The following ITGB4 variants were observed in gnomAD, a reference collection of about 807,000 sequenced individuals.
The protein encoded by ITGB4 is integrin subunit beta 4.
A neutral mutation model predicts 207.6 loss-of-function variants in ITGB4; 159 were observed. That is an observed-to-expected ratio of 0.77 (90% CI 0.67 to 0.87). The LOEUF is 0.87. Ranked by LOEUF, ITGB4 falls within the 40% of genes least tolerant of loss-of-function variation. The pLI is 0.00. For missense variants in ITGB4, 2,278 were observed against 2,546.8 expected (o/e 0.89, Z 2.27); for synonymous variants, 1,020 against 1,062.7 (o/e 0.96, Z 0.78).
intron 37 of ITGB4, 37 bp from the exon 38 acceptor site, chr17:75,756,905 AG>A: frequency 6.2e-7 from 1 of 1,612,072 alleles, no homozygotes; most frequent in Non-Finnish European, 8.5e-7. Context: ...AGGGGTAAAG[AG>A]GGGGCCGCAG....
Position 75,757,651 on chromosome 17 carries a change from G to A in ITGB4, c.*96G>A, listed in dbSNP as rs753961263. 10 of 1,541,946 alleles carry A rather than the reference G, an allele frequency of 6.5e-6. No homozygotes were observed. Among genetic ancestry groups the A allele is most frequent in the South Asian group, 2.2e-5 (2 of 89,478 alleles). On this transcript the variant is annotated 3_prime_UTR_variant, in exon 40 of 40. Transcript: ENST00000200181. Reference sequence around the variant, plus strand: ...CTACTCCATCCTTGCACCCCTGGGGGCCCAGCCCACCCGCATGCACAGAGC... The same window carrying A: ...CTACTCCATCCTTGCACCCCTGGGGACCCAGCCCACCCGCATGCACAGAGC...
chr17:75,738,309 T>A lies in ITGB4; in HGVS notation c.2220+665T>A, dbSNP rs142727513. Reference sequence around the variant, plus strand: ...TCATCCTGGAGCCCCAGCCCCCAGCTCAGCCCTTGCCAGCATCCGTTCTCT... The same window carrying A: ...TCATCCTGGAGCCCCAGCCCCCAGCACAGCCCTTGCCAGCATCCGTTCTCT... On this transcript the variant is annotated intron_variant, in intron 18 of 39. Coordinates refer to ENST00000200181, the MANE Select transcript of ITGB4 (RefSeq NM_000213.5). Among the ~76,000 whole-genome samples, 321 of 150,362 alleles carry A rather than the reference T, an allele frequency of 2.1e-3. 1 individual carries two copies. The highest frequency in any genetic ancestry group is 7.3e-3 in the African/African-American group (298 of 40,664).
chr17:75,733,397 TA>T (rs1376233468), intron 12 of ITGB4, 92 bp from the exon 13 acceptor site: 27 of 999,172 alleles, frequency 2.7e-5, no homozygotes, highest in Non-Finnish European at 3.5e-5. Flanking sequence ...AAAAAAAAAA[TA>T]AAATAATTAA....
In ITGB4 at chr17:75,730,866, C is replaced by T; in HGVS notation, c.1003-9C>T. 6.2e-7 allele frequency: 1 copy of T among 1,608,630 alleles called. No homozygotes were observed. Among genetic ancestry groups the T allele is most frequent in the Non-Finnish European group, 8.5e-7 (1 of 1,176,390 alleles). On this transcript the variant is annotated splice_polypyrimidine_tract_variant and intron_variant, in intron 8 of 39. Transcript: ENST00000200181. ...TGCTTAGCCTGAGACCTGGCCTTCT[C>T]TCCCGCAGAAGCTTCACACCTATTT...
At chr17:75,724,948 A>C (rs1372586913) in intron 2 of ITGB4, among the ~76,000 whole-genome samples, 166 bp downstream of exon 2, 1 of 152,228 alleles carries the variant, frequency 6.6e-6, no homozygotes, top group East Asian at 1.9e-4. Context: ...CAAGCTCTTC[A>C]GCCTAGAGAA....
intron 30 of ITGB4, 112 bp downstream of exon 30, chr17:75,751,223 C>G: frequency 7.9e-7 from 1 of 1,266,476 alleles, no homozygotes; most frequent in Admixed American, 1.9e-5. Context: ...GCAGGGCACT[C>G]GAGGCCTTCA....
At position 75,753,993 on chromosome 17, in the gene ITGB4, GCCC is replaced by G; in HGVS notation, c.4318+23_4318+25del. 2 of 1,103,340 alleles carry G rather than the reference GCCC, an allele frequency of 1.8e-6. No homozygotes were observed. Among genetic ancestry groups the G allele is most frequent in the Non-Finnish European group, 2.3e-6 (2 of 865,882 alleles). 68.3% of individuals were successfully genotyped at this position (1,103,340 alleles called of 1,614,324 possible). ...CCCGGAGGTGACAGGCTCACCCGCC[GCCC>G]CCCGATCCGCGCCCACCCAGCCTCA... On this transcript the variant is annotated intron_variant, in intron 33 of 39. Coordinates refer to ENST00000200181, the MANE Select transcript of ITGB4 (RefSeq NM_000213.5).
chr17:75,739,900 G>T lies in ITGB4; in HGVS notation c.2275G>T (p.Glu759Ter). 6.2e-7 allele frequency: 1 copy of T among 1,613,574 alleles called. No homozygotes were observed. The highest frequency in any genetic ancestry group is 8.5e-7 in the Non-Finnish European group (1 of 1,180,028). ...TGCAGGTCACATGGTGGGCTTTAAG[G>T]AAGACCACTACATGCTGCGGGAGAA... ...CNRGHMVGFK[E>*]DHYMLRENLM... The change falls in exon 20 of 40, where the codon GAA becomes TAA. Residue 759 changes from glutamate to a stop codon, truncating the protein, a stop_gained. Coordinates refer to ENST00000200181, the MANE Select transcript of ITGB4 (RefSeq NM_000213.5). LOFTEE classifies it high-confidence loss of function. This position sits in a 1 kb window ranked among gnomAD's most constrained non-coding sequence, Gnocchi z 5.4.
rs567368179 is a variant in ITGB4, at chr17:75,730,288, C to T, written c.786C>T (p.Ser262=). Residue 262 remains serine (S), a synonymous_variant, in exon 8 of 40, where the codon TCC becomes TCT. Coordinates refer to ENST00000200181, the MANE Select transcript of ITGB4 (RefSeq NM_000213.5). The part of the protein sequence containing the change: ...RPDSTHLLVF[S]TESAFHYEAD... ...ACAGCACCCACCTGCTGGTCTTCTCCACCGAGTCAGCCTTCCACTATGAGG... is the reference window on the plus strand; with the variant it reads ...ACAGCACCCACCTGCTGGTCTTCTCTACCGAGTCAGCCTTCCACTATGAGG... 5 of 1,613,440 alleles carry T rather than the reference C, an allele frequency of 3.1e-6. No homozygotes were observed. In the African/African-American group the frequency reaches 6.7e-5, roughly 21 times the overall value.
chr17:75,722,798 TG>T lies in ITGB4; in HGVS notation c.-11+1193del, dbSNP rs2060643069. 7.1e-6 allele frequency among the ~76,000 whole-genome samples: 1 copy of T among 141,082 alleles called. No homozygotes were observed. The highest frequency in any genetic ancestry group is 1.6e-5 in the Non-Finnish European group (1 of 64,438). The allele number at this position is 141,082 out of a possible 152,430, so 92.6% of individuals were successfully genotyped here. On this transcript the variant is annotated intron_variant, in intron 1 of 39. Transcript: ENST00000200181. This position sits in a 1 kb window ranked among gnomAD's most constrained non-coding sequence, Gnocchi z 6.2. ...GTGTGTGTGTGTGTGTGTGTCCCTGTGGGGGGGAAACTGCCTGTGCTGCAGT... is the reference window on the plus strand; with the variant it reads ...GTGTGTGTGTGTGTGTGTGTCCCTGTGGGGGGAAACTGCCTGTGCTGCAGT...
At chr17:75,752,401 CAG>C (rs1337750983) in intron 31 of ITGB4, 43 bp from the exon 32 acceptor site, 5 of 1,612,560 alleles carry the variant, frequency 3.1e-6, no homozygotes, top group Non-Finnish European at 4.2e-6. Flanking sequence ...GGCAGGGGGG[CAG>C]GGGGCAGCAG....
At chr17:75,736,498 G>A in intron 15 of ITGB4, 67 bp from the exon 16 acceptor site, 3 of 1,598,784 alleles carry the variant, frequency 1.9e-6, no homozygotes, top group Non-Finnish European at 2.6e-6. Context: ...CAAGAGGTTT[G>A]GGGAGCGGGG....
Position 75,737,022 on chromosome 17 carries a change from G to A in ITGB4, c.1991-300G>A, listed in dbSNP as rs543680433. Among the ~76,000 whole-genome samples, 3 of 152,302 alleles carry A rather than the reference G, an allele frequency of 2.0e-5. No homozygotes were observed. The South Asian group carries it at 6.2e-4, about 32-fold the overall frequency. ...GTACATGGTCACGCTGTGGAGACACGCAGCCTCCCCTCCTCGAGATCAGAT... is the reference window on the plus strand; with the variant it reads ...GTACATGGTCACGCTGTGGAGACACACAGCCTCCCCTCCTCGAGATCAGAT... On this transcript the variant is annotated intron_variant, in intron 16 of 39. Transcript: ENST00000200181.
chr17:75,753,498 G>T (rs1306664556), intron 32 of ITGB4, among the ~76,000 whole-genome samples: 1 of 152,192 alleles, frequency 6.6e-6, no homozygotes, highest in Non-Finnish European at 1.5e-5. Flanking sequence ...CTTCCCCCAG[G>T]TTTCTGGCGG....
intron 23 of ITGB4, 33 bp downstream of exon 23, chr17:75,741,038 C>A: frequency 6.2e-7 from 1 of 1,606,622 alleles, no homozygotes; most frequent in South Asian, 1.1e-5. Context: ...AGAGGGCCCC[C>A]ACTTCCTGCC....
chr17:75,756,369 G>C, intron 35 of ITGB4, 60 bp from the exon 36 acceptor site: 1 of 1,586,880 alleles, frequency 6.3e-7, no homozygotes, highest in Non-Finnish European at 8.6e-7. Flanking sequence ...GGACGAGGAG[G>C]ATCAGGCCAG....
Position 75,757,579 on chromosome 17 carries a change from A to G in ITGB4, c.*24A>G. 1 of 1,612,060 alleles carries G rather than the reference A, an allele frequency of 6.2e-7. No homozygotes were observed. Among genetic ancestry groups the G allele is most frequent in the Non-Finnish European group, 8.5e-7 (1 of 1,179,452 alleles). ...GACCGCACCCTGCCCCACCCCCGCC[A>G]CGTCCCACTAGGCGTCCTCCCGACT... is the stretch of plus-strand genomic sequence containing the variant. On this transcript the variant is annotated 3_prime_UTR_variant, in exon 40 of 40. Coordinates refer to ENST00000200181, the MANE Select transcript of ITGB4 (RefSeq NM_000213.5).
At position 75,739,205 on chromosome 17, in the gene ITGB4, G is replaced by A. The variant is rs1250413363; in HGVS notation, c.2221-467G>A. Among the ~76,000 whole-genome samples, 6 of 151,524 alleles carry A rather than the reference G, an allele frequency of 4.0e-5. No homozygotes were observed. Among genetic ancestry groups the A allele is most frequent in the Admixed American group, 1.3e-4 (2 of 15,194 alleles). On this transcript the variant is annotated intron_variant, in intron 18 of 39. Coordinates refer to ENST00000200181, the MANE Select transcript of ITGB4 (RefSeq NM_000213.5). This position sits in a 1 kb window ranked among gnomAD's most constrained non-coding sequence, Gnocchi z 5.4. ...AGTTACTAGGGGGGCTGAGGCAGGA[G>A]AATTGCTTGAACCTGGGAGGTAGAG...
intron 26 of ITGB4, among the ~76,000 whole-genome samples, chr17:75,745,128 C>T (rs1398468315): frequency 6.6e-6 from 1 of 152,030 alleles, no homozygotes; most frequent in African/African-American, 2.4e-5. Flanking sequence ...CATGGTGGCT[C>T]ACACCTGTAA....
Sources: allele counts gnomAD v4.1 joint callset (sites outside exome capture counted in the v4.1 genomes callset), GRCh38; gene constraint gnomAD v4.1.1; non-coding constraint Gnocchi (gnomAD v3.1); transcripts MANE v1.5; gene names NCBI Gene and HGNC (gene_info 2026-07-23, HGNC 2026-07-21).